The following USP12 variants were observed in gnomAD, a reference collection of about 807,000 sequenced individuals.
USP12 encodes ubiquitin specific peptidase 12, also known as ubiquitin carboxyl-terminal hydrolase 12.
In USP12, 19 loss-of-function variants were observed where a neutral mutation model predicts 45.5. The observed-to-expected ratio is 0.42, with a 90% CI of 0.29 to 0.61. The LOEUF (loss-of-function observed/expected upper bound fraction) is 0.61. Among genes scored for constraint, USP12 ranks in the 20% least tolerant of loss-of-function variants. The pLI is 0.22. For missense variants in USP12, 242 were observed against 447.7 expected, an observed-to-expected ratio of 0.54 and a Z score of 4.15; for synonymous variants, 149 against 148.8, an observed-to-expected ratio of 1.00 and a Z score of -0.01.
intron 1 of USP12, among the ~76,000 whole-genome samples, chr13:27,156,116 A>G (rs1877828087): frequency 6.6e-6 from 1 of 152,182 alleles, no homozygotes; most frequent in African/African-American, 2.4e-5. Flanking sequence ...CATTCTGACA[A>G]TGCCAGCCTC....
At chr13:27,140,896 G>A (rs531831496) in intron 1 of USP12, among the ~76,000 whole-genome samples, 11 of 150,918 alleles carry the variant, frequency 7.3e-5, no homozygotes, top group Middle Eastern at 3.5e-3. Flanking sequence ...CTTCAGAAAC[G>A]TCACACAAGA....
rs566743805 is a variant in USP12 at position 27,140,136 on chromosome 13, GTT to G, written c.49-23542_49-23541del. On this transcript the variant is annotated intron_variant, in intron 1 of 8. Coordinates refer to ENST00000282344, the MANE Select transcript of USP12 (RefSeq NM_182488.4). The stretch of plus-strand genomic sequence containing the variant: ...TAATGCAATTCTAATCCCCAAAATA[GTT>G]TTTTTTCCCTACGTGTTTTGAGTAG... Among the ~76,000 whole-genome samples the G allele has an allele frequency of 2.0e-3, 298 of 150,428 alleles. 2 individuals are homozygous for G. The highest frequency in any genetic ancestry group is 7.2e-3 in the African/African-American group (289 of 40,414).
intron 2 of USP12, among the ~76,000 whole-genome samples, chr13:27,109,898 T>C (rs566170021): frequency 2.0e-3 from 192 of 97,130 alleles, no homozygotes; most frequent in Non-Finnish European, 1.9e-3. Context: ...GGCGACACAG[T>C]GAGACTCTGT....
intron 1 of USP12, among the ~76,000 whole-genome samples, chr13:27,147,232 G>T (rs17592825): frequency 0.28 from 42,418 of 152,066 alleles, 6,449 homozygotes; most frequent in Non-Finnish European, 0.35. Context: ...TTTTTAAAGA[G>T]CTAGCACTGC....
intron 1 of USP12, among the ~76,000 whole-genome samples, chr13:27,143,262 A>C (rs1393901184): frequency 1.3e-5 from 2 of 152,182 alleles, no homozygotes; most frequent in African/African-American, 4.8e-5. Flanking sequence ...ATGACACAAA[A>C]AAGAAGTAGG....
At chr13:27,084,539 T>C (rs1316940581) in intron 6 of USP12, among the ~76,000 whole-genome samples, 1 of 151,638 alleles carries the variant, frequency 6.6e-6, no homozygotes. Flanking sequence ...TTTTAGGTCT[T>C]AAATCCATTT....
chr13:27,171,667 A>ACAG lies in USP12; in HGVS notation c.-31_-29dup, dbSNP rs767228476. ...GGCCAGCGCCATCTTCCACCCAATC[A>ACAG]CAGCGGCGGCGGCGGGCGGGGGAGG... On this transcript the variant is annotated 5_prime_UTR_variant, in exon 1 of 9. Transcript: ENST00000282344. 5 of 1,183,524 alleles carry ACAG rather than the reference A, an allele frequency of 4.2e-6. No individual in the cohort carries two copies. In the African/African-American group the frequency reaches 8.3e-5, roughly 20 times the overall value. The allele number at this position is 1,183,524 out of a possible 1,614,324, so 73.3% of individuals were successfully genotyped here.
chr13:27,079,408 T>C (rs775176983), intron 6 of USP12, among the ~76,000 whole-genome samples: 6 of 152,132 alleles, frequency 3.9e-5, no homozygotes, highest in Non-Finnish European at 8.8e-5. Flanking sequence ...GGTCAAAGAC[T>C]TGGAATTTGA....
chr13:27,133,733 C>T (rs993322182), intron 1 of USP12, among the ~76,000 whole-genome samples: 1 of 152,054 alleles, frequency 6.6e-6, no homozygotes, highest in Non-Finnish European at 1.5e-5. Flanking sequence ...TCATTCAGAC[C>T]ACTATTTCAC....
intron 4 of USP12, among the ~76,000 whole-genome samples, chr13:27,093,905 G>A (rs1419856349): frequency 6.6e-6 from 1 of 152,210 alleles, no homozygotes; most frequent in Non-Finnish European, 1.5e-5. Flanking sequence ...AATGCATATT[G>A]CTAAGTGGAA....
At chr13:27,107,715 C>CG (rs1875210968) in intron 2 of USP12, among the ~76,000 whole-genome samples, 1 of 152,066 alleles carries the variant, frequency 6.6e-6, no homozygotes, top group South Asian at 2.1e-4. Context: ...ACAAGATCTG[C>CG]GATAAGAAAT....
At chr13:27,102,011 TAATGAATGAATGAATG>T (rs57318848) in intron 3 of USP12, among the ~76,000 whole-genome samples, 9 of 151,630 alleles carry the variant, frequency 5.9e-5, no homozygotes, top group African/African-American at 2.2e-4. Context: ...TCCCATTTTT[TAATGAATGAATGAATG>T]AATGAATGAA....
intron 6 of USP12, among the ~76,000 whole-genome samples, chr13:27,080,162 G>C (rs56256207): frequency 0.14 from 20,742 of 152,156 alleles, 1,571 homozygotes; most frequent in Middle Eastern, 0.2. Context: ...AGGCAGGGAG[G>C]CAGGAGGCAT....
chr13:27,137,667 T>C (rs1876867216), intron 1 of USP12, among the ~76,000 whole-genome samples: 1 of 152,214 alleles, frequency 6.6e-6, no homozygotes, highest in Non-Finnish European at 1.5e-5. Flanking sequence ...AATTAAAGTG[T>C]TCCCCCGATC....
intron 3 of USP12, among the ~76,000 whole-genome samples, chr13:27,102,028 A>G (rs1293606125): frequency 6.6e-6 from 1 of 152,096 alleles, no homozygotes; most frequent in Non-Finnish European, 1.5e-5. Flanking sequence ...TGAATGAATG[A>G]ATGAATGAAT....
intron 2 of USP12, among the ~76,000 whole-genome samples, chr13:27,114,386 T>G (rs746405356): frequency 2.0e-5 from 3 of 152,180 alleles, no homozygotes; most frequent in Non-Finnish European, 4.4e-5. Flanking sequence ...ATCTAAGAAT[T>G]TTGCTGACTA....
intron 1 of USP12, among the ~76,000 whole-genome samples, chr13:27,165,845 G>A (rs1025530272): frequency 6.6e-6 from 1 of 152,018 alleles, no homozygotes; most frequent in African/African-American, 2.4e-5. Context: ...GCTTAATTAT[G>A]TCTGATTCTA....
intron 6 of USP12, among the ~76,000 whole-genome samples, chr13:27,086,584 C>A (rs944730929): frequency 6.6e-6 from 1 of 152,060 alleles, no homozygotes; most frequent in African/African-American, 2.4e-5. Flanking sequence ...ATTAAAATTT[C>A]ATGTCTTTAA....
At chr13:27,106,967 T>G (rs778602805) in intron 2 of USP12, among the ~76,000 whole-genome samples, 1 of 152,188 alleles carries the variant, frequency 6.6e-6, no homozygotes, top group Non-Finnish European at 1.5e-5. Flanking sequence ...ACTTAAAGAA[T>G]GTTTACCATA....
Sources: allele counts gnomAD v4.1 joint callset (sites outside exome capture counted in the v4.1 genomes callset), GRCh38; gene constraint gnomAD v4.1.1; transcripts MANE v1.5; gene names NCBI Gene and HGNC (gene_info 2026-07-23, HGNC 2026-07-21).